The following SEPTIN10 variants were observed in gnomAD, a reference collection of about 807,000 sequenced individuals.
The protein encoded by SEPTIN10 is septin-10.
In SEPTIN10, 66 loss-of-function variants were observed where a neutral mutation model predicts 54.8. The ratio of observed to expected loss-of-function variants is 1.21; its 90% CI spans 0.99 to 1.48. The LOEUF is 1.48. Among genes scored for constraint, SEPTIN10 ranks in the 40% most tolerant of loss-of-function variants. The pLI is 0.00. For synonymous variants in SEPTIN10, 161 were observed against 181.0 expected (o/e 0.89, Z 0.89); for missense variants, 620 against 545.6 (o/e 1.14, Z -1.36).
chr2:109,590,921 A>G (rs1693918897), intron 2 of SEPTIN10, among the ~76,000 whole-genome samples: 3 of 152,224 alleles, frequency 2.0e-5, no homozygotes, highest in Admixed American at 1.3e-4. Flanking sequence ...AAGCCTCCAG[A>G]TAAGAACCCA....
At chr2:109,593,669 G>C (rs1054005555) in intron 1 of SEPTIN10, among the ~76,000 whole-genome samples, 1 of 152,124 alleles carries the variant, frequency 6.6e-6, no homozygotes, top group Non-Finnish European at 1.5e-5. Flanking sequence ...CTCCCAGAGT[G>C]CTAGGATTAC....
chr2:109,544,971 C>A, intron 10 of SEPTIN10: 1 of 985,264 alleles, frequency 1.0e-6, no homozygotes, highest in Non-Finnish European at 1.2e-6. Flanking sequence ...AATATATAAG[C>A]CAATAAAATC....
In SEPTIN10 at chr2:109,585,124, A is replaced by G; in HGVS notation, c.413+2T>C. On this transcript the variant is annotated splice_donor_variant, in intron 4 of 10. Coordinates refer to ENST00000397712, the MANE Select transcript of SEPTIN10 (RefSeq NM_144710.5). LOFTEE classifies it high-confidence loss of function. ...GTTTTATTACAAGAAGAAAACACATACCTCTCTTCTTTATTTATTTGGTCA... is the reference window on the plus strand; with the variant it reads ...GTTTTATTACAAGAAGAAAACACATGCCTCTCTTCTTTATTTATTTGGTCA... The G allele has an allele frequency of 6.5e-7, 1 of 1,538,786 alleles. No individual in the cohort carries two copies. Among genetic ancestry groups the G allele is most frequent in the Non-Finnish European group, 8.8e-7 (1 of 1,140,514 alleles).
At chr2:109,545,284 T>C in intron 10 of SEPTIN10, 1 of 1,422,432 alleles carries the variant, frequency 7.0e-7, no homozygotes, top group Non-Finnish European at 9.2e-7. Context: ...GATACTTAAG[T>C]GGGAGAAATA....
At chr2:109,575,592 T>C (rs1295278180) in intron 4 of SEPTIN10, among the ~76,000 whole-genome samples, 1 of 152,222 alleles carries the variant, frequency 6.6e-6, no homozygotes, top group East Asian at 1.9e-4. Context: ...GTTCCAAGAA[T>C]GGTGTGTGAG....
At chr2:109,548,453 G>A (rs1240463579) in intron 9 of SEPTIN10, among the ~76,000 whole-genome samples, 2 of 152,090 alleles carry the variant, frequency 1.3e-5, no homozygotes, top group African/African-American at 4.8e-5. Context: ...GGCTCACGGA[G>A]GTTTACACGC....
chr2:109,555,309 T>C (rs1684103510), intron 8 of SEPTIN10, among the ~76,000 whole-genome samples: 1 of 152,226 alleles, frequency 6.6e-6, no homozygotes, highest in African/African-American at 2.4e-5. Flanking sequence ...TCCTCAGGTT[T>C]CAGCCACACC....
intron 9 of SEPTIN10, among the ~76,000 whole-genome samples, chr2:109,547,670 A>G (rs1415290932): frequency 6.6e-6 from 1 of 152,154 alleles, no homozygotes; most frequent in African/African-American, 2.4e-5. Flanking sequence ...TGGATCATAG[A>G]AGGCATATTT....
intron 5 of SEPTIN10, among the ~76,000 whole-genome samples, chr2:109,571,128 T>C (rs1458503179): frequency 5.3e-5 from 8 of 152,182 alleles, no homozygotes; most frequent in African/African-American, 1.9e-4. Flanking sequence ...ATATAAGACA[T>C]GCCTGCTTCC....
chr2:109,567,431 C>A (rs996033045), intron 6 of SEPTIN10, among the ~76,000 whole-genome samples: 5 of 152,112 alleles, frequency 3.3e-5, no homozygotes, highest in Non-Finnish European at 5.9e-5. Context: ...TTTTAAGAGA[C>A]CTCCTTAAAG....
At chr2:109,599,389 C>T (rs557706760) in intron 1 of SEPTIN10, among the ~76,000 whole-genome samples, 4 of 143,568 alleles carry the variant, frequency 2.8e-5, no homozygotes, top group East Asian at 2.1e-4. Flanking sequence ...ACTCAGGAGG[C>T]GGAGGTTGCA....
At chr2:109,600,893 A>G (rs1313655959) in intron 1 of SEPTIN10, among the ~76,000 whole-genome samples, 2 of 152,198 alleles carry the variant, frequency 1.3e-5, no homozygotes, top group African/African-American at 4.8e-5. Context: ...CCAGTTTATT[A>G]CAAAGAATAT....
chr2:109,571,645 G>A (rs2060403), intron 5 of SEPTIN10, among the ~76,000 whole-genome samples: 79,384 of 152,026 alleles, frequency 0.52, 21,859 homozygotes, highest in African/African-American at 0.7. Flanking sequence ...TGACTAAAAT[G>A]TAGTTTTGCA....
chr2:109,568,013 A>T (rs1251545345), intron 5 of SEPTIN10, 37 bp from the exon 6 acceptor site: 2 of 1,266,556 alleles, frequency 1.6e-6, no homozygotes, highest in East Asian at 2.9e-5. Flanking sequence ...CTTACTGAGG[A>T]TTTTTTTTTT....
chr2:109,553,590 C>T (rs763303278), intron 8 of SEPTIN10, among the ~76,000 whole-genome samples: 13 of 149,682 alleles, frequency 8.7e-5, no homozygotes, highest in South Asian at 2.1e-4. Context: ...TGGTGGCTCA[C>T]GCCTGTAATC....
chr2:109,544,598 C>T, intron 10 of SEPTIN10: 4 of 964,730 alleles, frequency 4.1e-6, no homozygotes, highest in Non-Finnish European at 4.9e-6. Context: ...AATTATCTTT[C>T]ATATAGGGGA....
At chr2:109,591,349 A>G (rs1416403282) in intron 2 of SEPTIN10, among the ~76,000 whole-genome samples, 2 of 152,134 alleles carry the variant, frequency 1.3e-5, no homozygotes, top group Non-Finnish European at 2.9e-5. Flanking sequence ...GCATTTCAAA[A>G]ATGAGGGTGT....
At chr2:109,571,268 T>C (rs1297050505) in intron 5 of SEPTIN10, among the ~76,000 whole-genome samples, 41 of 152,240 alleles carry the variant, frequency 2.7e-4, no homozygotes, top group Admixed American at 2.7e-3. Context: ...TAGTTCTTTA[T>C]AGCAATGCGA....
At chr2:109,610,155 C>A (rs1698943858) in intron 1 of SEPTIN10, among the ~76,000 whole-genome samples, 1 of 151,410 alleles carries the variant, frequency 6.6e-6, no homozygotes, top group African/African-American at 2.4e-5. Context: ...GTGGCGCGAT[C>A]TCAGCTTACT....
Sources: allele counts gnomAD v4.1 joint callset (sites outside exome capture counted in the v4.1 genomes callset), GRCh38; gene constraint gnomAD v4.1.1; transcripts MANE v1.5; gene names NCBI Gene and HGNC (gene_info 2026-07-23, HGNC 2026-07-21).